The following GSK3B variants were observed in gnomAD, a reference collection of about 807,000 sequenced individuals.
The protein encoded by GSK3B is glycogen synthase kinase 3 beta.
GSK3B carries 15 observed loss-of-function variants against 56.4 expected under a neutral mutation model. The observed-to-expected ratio is 0.27, with a 90% CI of 0.18 to 0.41. The LOEUF is 0.41. GSK3B is among the 10% of genes least tolerant of loss of function. GSK3B has a pLI of 1.00. For missense variants in GSK3B, 300 were observed against 513.4 expected (o/e 0.58, Z 4.02); for synonymous variants, 181 against 188.9 (o/e 0.96, Z 0.34).
intron 4 of GSK3B, among the ~76,000 whole-genome samples, chr3:119,917,427 T>C (rs958629193): frequency 7.2e-5 from 11 of 152,190 alleles, no homozygotes; most frequent in Non-Finnish European, 1.6e-4. Flanking sequence ...TTAAGGCATT[T>C]AGGTATCCAT....
intron 9 of GSK3B, among the ~76,000 whole-genome samples, chr3:119,861,569 A>C (rs924787794): frequency 1.1e-4 from 16 of 152,010 alleles, no homozygotes; most frequent in Non-Finnish European, 2.2e-4. Context: ...AAACAACAAC[A>C]AAAAAACCCC....
intron 1 of GSK3B, among the ~76,000 whole-genome samples, chr3:120,011,451 T>G (rs1238040234): frequency 7.2e-5 from 11 of 152,148 alleles, no homozygotes; most frequent in Admixed American, 6.5e-4. Flanking sequence ...AAGCATCAAA[T>G]AAGACAATTC....
chr3:119,843,978 C>T (rs2108012296), intron 9 of GSK3B, among the ~76,000 whole-genome samples: 1 of 152,312 alleles, frequency 6.6e-6, no homozygotes, highest in South Asian at 2.1e-4. Context: ...AACAGTCTCT[C>T]AGACTACAGT....
At chr3:120,063,818 C>T (rs1183097331) in intron 1 of GSK3B, among the ~76,000 whole-genome samples, 1 of 150,720 alleles carries the variant, frequency 6.6e-6, no homozygotes, top group Non-Finnish European at 1.5e-5. Flanking sequence ...CGAAACCCCA[C>T]CTCTACCAAA....
intron 1 of GSK3B, among the ~76,000 whole-genome samples, chr3:120,072,015 A>G (rs992001272): frequency 1.3e-5 from 2 of 152,246 alleles, no homozygotes; most frequent in Non-Finnish European, 2.9e-5. Context: ...AAAAGTTCAC[A>G]TATCAGGTTT....
At chr3:120,077,983 T>C (rs546978004) in intron 1 of GSK3B, among the ~76,000 whole-genome samples, 13 of 152,226 alleles carry the variant, frequency 8.5e-5, no homozygotes, top group African/African-American at 2.9e-4. Flanking sequence ...GCAAATATTG[T>C]CACAGAGCAT....
At chr3:120,080,246 ACAC>A (rs1370350585) in intron 1 of GSK3B, among the ~76,000 whole-genome samples, 2 of 152,044 alleles carry the variant, frequency 1.3e-5, no homozygotes, top group South Asian at 2.1e-4. Context: ...AGCCAAGATC[ACAC>A]CACTGTACTA....
Position 119,943,792 on chromosome 3 carries a change from AAGAG to A in GSK3B, c.366+3472_366+3475del, listed in dbSNP as rs757789150. ...CAGAGAGAAAAAGGGTGTGGGGGAG[AAGAG>A]AGAGACAAGAAAGAAAGAGACAGAG... On this transcript the variant is annotated intron_variant, in intron 3 of 10. Transcript: ENST00000264235. 2.6e-5 allele frequency among the ~76,000 whole-genome samples: 4 copies of A among 151,994 alleles called. No homozygotes were observed. In the South Asian group the frequency reaches 6.2e-4, roughly 24 times the overall value.
At chr3:119,973,209 CCA>C (rs1352154519) in intron 2 of GSK3B, among the ~76,000 whole-genome samples, 4 of 152,212 alleles carry the variant, frequency 2.6e-5, no homozygotes, top group South Asian at 2.1e-4. Context: ...CTTTCGCTTT[CCA>C]CAGTTTCAGT....
At chr3:119,922,560 T>C (rs1021029618) in intron 4 of GSK3B, among the ~76,000 whole-genome samples, 5 of 149,994 alleles carry the variant, frequency 3.3e-5, no homozygotes, top group Non-Finnish European at 4.4e-5. Context: ...GCAAAATCCA[T>C]CCAAAGAACT....
At chr3:119,971,219 C>T (rs1226403472) in intron 2 of GSK3B, among the ~76,000 whole-genome samples, 1 of 152,170 alleles carries the variant, frequency 6.6e-6, no homozygotes, top group Non-Finnish European at 1.5e-5. Flanking sequence ...TCCCCATCCC[C>T]ATCCAAATTT....
chr3:120,049,524 T>A (rs2058130309), intron 1 of GSK3B, among the ~76,000 whole-genome samples: 1 of 152,144 alleles, frequency 6.6e-6, no homozygotes, highest in Non-Finnish European at 1.5e-5. Flanking sequence ...GAGAGAACAT[T>A]TAAGGCAGAG....
At chr3:120,017,112 A>G (rs1387384061) in intron 1 of GSK3B, among the ~76,000 whole-genome samples, 1 of 152,228 alleles carries the variant, frequency 6.6e-6, no homozygotes. Flanking sequence ...GCAAGGGTAG[A>G]CACTATATTT....
chr3:119,977,023 A>ACAAATAT (rs898704550), intron 2 of GSK3B, among the ~76,000 whole-genome samples: 2 of 152,186 alleles, frequency 1.3e-5, no homozygotes, highest in African/African-American at 4.8e-5. Context: ...ATTCAAGTCC[A>ACAAATAT]CAAATATCAA....
intron 2 of GSK3B, among the ~76,000 whole-genome samples, chr3:119,976,951 A>C (rs933562115): frequency 4.6e-5 from 7 of 152,164 alleles, no homozygotes; most frequent in African/African-American, 1.7e-4. Context: ...ATTATGCCTT[A>C]TATCAAGTTT....
intron 1 of GSK3B, among the ~76,000 whole-genome samples, chr3:120,039,721 G>A (rs926595168): frequency 3.9e-5 from 6 of 152,210 alleles, no homozygotes; most frequent in Admixed American, 6.5e-5. Context: ...CCATGCGGGA[G>A]TGACACAGAG....
intron 1 of GSK3B, among the ~76,000 whole-genome samples, chr3:120,076,731 G>A (rs955589892): frequency 5.4e-5 from 8 of 146,820 alleles, no homozygotes; most frequent in East Asian, 4.0e-4. Flanking sequence ...GGAGAATGGC[G>A]TGAACCCGGG....
chr3:120,045,070 G>A (rs1204603742), intron 1 of GSK3B, among the ~76,000 whole-genome samples: 1 of 152,142 alleles, frequency 6.6e-6, no homozygotes. Flanking sequence ...ACCATGCATT[G>A]TAGGTTAGTG....
At chr3:119,911,147 C>G (rs1002937212) in intron 6 of GSK3B, among the ~76,000 whole-genome samples, 6 of 152,146 alleles carry the variant, frequency 3.9e-5, no homozygotes, top group Admixed American at 6.6e-5. Flanking sequence ...TTGACTTTGC[C>G]CAGATCCATC....
Sources: gnomAD v4.1 joint callset for allele counts (sites outside exome capture counted in the v4.1 genomes callset) on GRCh38, gnomAD v4.1.1 for gene constraint, MANE v1.5 for transcripts, NCBI Gene and HGNC (gene_info 2026-07-23, HGNC 2026-07-21) for gene names.